The following XKR6 variants were observed in gnomAD, a reference collection of about 807,000 sequenced individuals.
The protein encoded by XKR6 is XK related 6.
Under a neutral mutation model 56.7 loss-of-function variants are expected in XKR6, and 22 were observed. The ratio of observed to expected loss-of-function variants is 0.39; its 90% CI spans 0.28 to 0.55. The LOEUF (loss-of-function observed/expected upper bound fraction) is 0.55. XKR6 is among the 20% of genes least tolerant of loss of function. XKR6 has a pLI of 0.66. For synonymous variants in XKR6, 524 were observed against 387.8 expected, an observed-to-expected ratio of 1.35 and a Z score of -4.13; for missense variants, 852 against 889.0, an observed-to-expected ratio of 0.96 and a Z score of 0.53.
At chr8:10,923,771 C>T (rs1381907726) in intron 2 of XKR6, among the ~76,000 whole-genome samples, 1 of 152,200 alleles carries the variant, frequency 6.6e-6, no homozygotes, top group Non-Finnish European at 1.5e-5. Context: ...ATACAAGAGA[C>T]CAGGAGGTAC....
intron 2 of XKR6, among the ~76,000 whole-genome samples, chr8:10,912,304 GTGTATA>G (rs1800408945): frequency 4.2e-5 from 1 of 23,884 alleles, no homozygotes; most frequent in Non-Finnish European, 7.5e-5. Context: ...TAAAGAGAGG[GTGTATA>G]TATATATATA....
At chr8:11,155,954 T>G (rs1394592526) in intron 1 of XKR6, among the ~76,000 whole-genome samples, 2 of 152,220 alleles carry the variant, frequency 1.3e-5, no homozygotes, top group African/African-American at 4.8e-5. Flanking sequence ...GCCTATTCTG[T>G]GTGAACTCAA....
At chr8:11,093,042 TTC>T (rs1007004899) in intron 1 of XKR6, among the ~76,000 whole-genome samples, 7 of 117,638 alleles carry the variant, frequency 6.0e-5, no homozygotes, top group Non-Finnish European at 9.6e-5. Flanking sequence ...TTCTCTTTCT[TTC>T]TCTTTCTTTT....
At chr8:10,962,649 AGAGTCTC>A (rs1802098597) in intron 1 of XKR6, among the ~76,000 whole-genome samples, 1 of 151,756 alleles carries the variant, frequency 6.6e-6, no homozygotes, top group Non-Finnish European at 1.5e-5. Context: ...TTTTTGAGAC[AGAGTCTC>A]ACTCTGTTGT....
intron 1 of XKR6, among the ~76,000 whole-genome samples, chr8:11,165,876 A>G (rs1554476558): frequency 6.6e-6 from 1 of 152,074 alleles, no homozygotes; most frequent in Non-Finnish European, 1.5e-5. Flanking sequence ...TACATGAAGG[A>G]ACCATAAGTT....
chr8:11,051,493 T>A (rs1799547070), intron 1 of XKR6, among the ~76,000 whole-genome samples: 1 of 152,176 alleles, frequency 6.6e-6, no homozygotes, highest in Non-Finnish European at 1.5e-5. Context: ...TGTTCTTCCT[T>A]CGGGCTTCCC....
At chr8:11,049,428 C>T (rs938448425) in intron 1 of XKR6, among the ~76,000 whole-genome samples, 2 of 152,170 alleles carry the variant, frequency 1.3e-5, no homozygotes, top group African/African-American at 2.4e-5. Context: ...GCCCCTGACC[C>T]GGGGCTGGCT....
At chr8:11,026,316 A>G (rs555886080) in intron 1 of XKR6, among the ~76,000 whole-genome samples, 164 of 151,596 alleles carry the variant, frequency 1.1e-3, no homozygotes, top group African/African-American at 3.9e-3. Context: ...CTACACACCT[A>G]GATGGTCTAG....
intron 1 of XKR6, among the ~76,000 whole-genome samples, chr8:11,164,260 C>T (rs777430059): frequency 1.3e-5 from 2 of 152,238 alleles, no homozygotes; most frequent in South Asian, 2.1e-4. Context: ...CAATATCACA[C>T]TCTGTAATTG....
intron 1 of XKR6, among the ~76,000 whole-genome samples, chr8:10,972,810 A>G (rs113446115): frequency 0.011 from 1,635 of 152,356 alleles, 40 homozygotes; most frequent in African/African-American, 0.037. Context: ...ACAACAGTGT[A>G]GATGTACTTA....
intron 1 of XKR6, among the ~76,000 whole-genome samples, chr8:11,085,167 G>T (rs1797844996): frequency 6.6e-6 from 1 of 152,078 alleles, no homozygotes; most frequent in Non-Finnish European, 1.5e-5. Flanking sequence ...CCCAAGAGCA[G>T]TTGGCACAGA....
chr8:11,070,188 C>T (rs1446599061), intron 1 of XKR6, among the ~76,000 whole-genome samples: 5 of 152,114 alleles, frequency 3.3e-5, no homozygotes, highest in Non-Finnish European at 5.9e-5. Flanking sequence ...CTAGGGTCCC[C>T]GTAGTCTCCA....
intron 2 of XKR6, 110 bp from the exon 3 acceptor site, chr8:10,899,026 A>G: frequency 6.8e-7 from 1 of 1,461,698 alleles, no homozygotes; most frequent in Non-Finnish European, 9.1e-7. Flanking sequence ...CTAAAGGAGG[A>G]GGGAGAAAGA....
chr8:11,025,428 C>T (rs1798838899), intron 1 of XKR6, among the ~76,000 whole-genome samples: 3 of 152,174 alleles, frequency 2.0e-5, no homozygotes, highest in Admixed American at 1.3e-4. Context: ...CTAAGGCCTG[C>T]TGAAAGCCAG....
At position 10,924,622 on chromosome 8, in the gene XKR6, G is replaced by A; in HGVS notation, c.961+12C>T. The stretch of plus-strand genomic sequence containing the variant: ...AGGCCGGGGTGGCGGGGCGCGGCCG[G>A]CGGGCACTCACAGGGCAGGGTCTCG... On this transcript the variant is annotated intron_variant, in intron 2 of 2. Transcript: ENST00000416569. 6.3e-7 allele frequency: 1 copy of A among 1,594,788 alleles called. No homozygotes were observed. The highest frequency in any genetic ancestry group is 8.6e-7 in the Non-Finnish European group (1 of 1,167,200).
intron 2 of XKR6, among the ~76,000 whole-genome samples, chr8:10,924,417 G>A (rs1376875744): frequency 6.6e-6 from 1 of 152,262 alleles, no homozygotes; most frequent in Non-Finnish European, 1.5e-5. Context: ...GCCTGGAGGT[G>A]CCAAGCCAGC....
At chr8:11,169,294 G>C (rs1487352134) in intron 1 of XKR6, among the ~76,000 whole-genome samples, 1 of 152,166 alleles carries the variant, frequency 6.6e-6, no homozygotes, top group Non-Finnish European at 1.5e-5. Context: ...TTAGTCATGA[G>C]ACAAAGAACT....
intron 1 of XKR6, among the ~76,000 whole-genome samples, chr8:10,990,785 G>A (rs1343883266): frequency 6.6e-6 from 1 of 151,572 alleles, no homozygotes; most frequent in East Asian, 1.9e-4. Context: ...ATTTTGTCCT[G>A]CTTCCCAGGC....
chr8:11,012,843 G>T (rs188819888), intron 1 of XKR6, among the ~76,000 whole-genome samples: 90 of 152,228 alleles, frequency 5.9e-4, no homozygotes, highest in African/African-American at 2.1e-3. Flanking sequence ...CATAATAAAT[G>T]CAACTCCATT....
Sources: gnomAD v4.1 joint callset for allele counts (sites outside exome capture counted in the v4.1 genomes callset) on GRCh38, gnomAD v4.1.1 for gene constraint, MANE v1.5 for transcripts, NCBI Gene and HGNC (gene_info 2026-07-23, HGNC 2026-07-21) for gene names.